The following CR1L variants were observed in gnomAD, a reference collection of about 807,000 sequenced individuals.
CR1L encodes the protein complement component receptor 1-like protein.
A neutral mutation model predicts 62.3 loss-of-function variants in CR1L; 59 were observed. The ratio of observed to expected loss-of-function variants is 0.95; its 90% CI spans 0.77 to 1.18. CR1L has a LOEUF of 1.18. Ranked by LOEUF, CR1L falls within the 50% of genes most tolerant of loss-of-function variation. CR1L has a pLI of 0.00. For missense variants in CR1L, 700 were observed against 702.8 expected (o/e 1.00, Z 0.04); for synonymous variants, 279 against 248.7 (o/e 1.12, Z -1.15).
At chr1:207,719,608 C>T (rs966376112) in intron 11 of CR1L, among the ~76,000 whole-genome samples, 1 of 152,004 alleles carries the variant, frequency 6.6e-6, no homozygotes, top group African/African-American at 2.4e-5. Flanking sequence ...GTAGTCACAG[C>T]TTCTTGAGAG....
chr1:207,645,553 G>A (rs1663107972), intron 1 of CR1L, among the ~76,000 whole-genome samples: 2 of 152,190 alleles, frequency 1.3e-5, no homozygotes, highest in Admixed American at 1.3e-4. Flanking sequence ...GTGCGCGGCC[G>A]ACATTTACGC....
At chr1:207,658,722 C>T (rs568252054) in intron 1 of CR1L, 2 of 152,328 alleles carry the variant, frequency 1.3e-5, no homozygotes, top group Non-Finnish European at 2.9e-5. Context: ...GCCCGCCACA[C>T]AGGAGCCAGA....
chr1:207,670,415 T>G (rs1663591589), intron 1 of CR1L, among the ~76,000 whole-genome samples: 3 of 151,074 alleles, frequency 2.0e-5, no homozygotes, highest in Non-Finnish European at 4.4e-5. Flanking sequence ...ACTATGGAAA[T>G]TTTGAGGCCA....
rs544337251 is a variant in CR1L, at chr1:207,675,613, G to A, written c.98-1776G>A. ...AGGGCATCTTTGTACAAAGCCAAAA[G>A]TTGGTTCTTTTAAGTCTAATAAAAT... is the stretch of plus-strand genomic sequence containing the variant. On this transcript the variant is annotated intron_variant, in intron 1 of 11. Coordinates refer to ENST00000508064, the MANE Select transcript of CR1L (RefSeq NM_175710.2). Among the ~76,000 whole-genome samples, 3 of 152,310 alleles carry A rather than the reference G, an allele frequency of 2.0e-5. 1 individual carries two copies. The highest frequency in any genetic ancestry group is 7.2e-5 in the African/African-American group (3 of 41,566).
At chr1:207,688,197 G>T (rs1663940362) in intron 4 of CR1L, among the ~76,000 whole-genome samples, 1 of 152,168 alleles carries the variant, frequency 6.6e-6, no homozygotes, top group South Asian at 2.1e-4. Flanking sequence ...GATCCCTTGA[G>T]CACAGGGGTT....
rs34807467 is a variant in CR1L, at chr1:207,678,996, C to CT, written c.377+717dup. ...TCTGTGCATGTCTGTGTCCAAAGTT[C>CT]TTTTTTTTTTTTTTTTTTGAGATGG... On this transcript the variant is annotated intron_variant, in intron 3 of 11. Coordinates refer to ENST00000508064, the MANE Select transcript of CR1L (RefSeq NM_175710.2). Among the ~76,000 whole-genome samples, 335 of 131,166 alleles carry CT rather than the reference C, an allele frequency of 2.6e-3. 3 individuals are homozygous for CT. The highest frequency in any genetic ancestry group is 0.022 in the East Asian group (94 of 4,344). The allele number at this position is 131,166 out of a possible 152,430, so 86.0% of individuals were successfully genotyped here.
intron 11 of CR1L, among the ~76,000 whole-genome samples, chr1:207,719,738 G>A (rs893327847): frequency 4.6e-4 from 70 of 150,930 alleles, no homozygotes; most frequent in African/African-American, 1.5e-3. Context: ...ACACACACAC[G>A]CACACACACA....
At chr1:207,648,499 A>G (rs996336181) in intron 1 of CR1L, among the ~76,000 whole-genome samples, 2 of 152,192 alleles carry the variant, frequency 1.3e-5, no homozygotes, top group African/African-American at 4.8e-5. Flanking sequence ...TCTCACAAAG[A>G]TAAGGTTTTG....
chr1:207,723,514 G>T, intron 11 of CR1L, 104 bp from the exon 12 acceptor site: 1 of 939,850 alleles, frequency 1.1e-6, no homozygotes, highest in Non-Finnish European at 1.6e-6. Context: ...ATATTAGTCT[G>T]AGTCCTGAAT....
chr1:207,664,146 G>A (rs565497459), intron 1 of CR1L, among the ~76,000 whole-genome samples: 45 of 152,260 alleles, frequency 3.0e-4, no homozygotes, highest in African/African-American at 9.9e-4. Flanking sequence ...TTGATATGAT[G>A]GAAGGGATTA....
intron 1 of CR1L, among the ~76,000 whole-genome samples, chr1:207,666,028 A>G (rs138028442): frequency 1.3e-5 from 2 of 152,348 alleles, no homozygotes; most frequent in African/African-American, 2.4e-5. Flanking sequence ...TCTTTACTCC[A>G]TGATGAATCA....
chr1:207,654,225 T>C (rs948699240), intron 1 of CR1L, among the ~76,000 whole-genome samples: 26 of 151,994 alleles, frequency 1.7e-4, no homozygotes, highest in African/African-American at 6.3e-4. Context: ...CACTATAATA[T>C]ATAAACAAAG....
chr1:207,654,425 A>G (rs1444684342), intron 1 of CR1L, among the ~76,000 whole-genome samples: 1 of 152,226 alleles, frequency 6.6e-6, no homozygotes, highest in African/African-American at 2.4e-5. Context: ...TTGAGAAACA[A>G]TATATACTGA....
intron 10 of CR1L, chr1:207,710,362 C>T (rs2102478952): frequency 7.4e-7 from 1 of 1,357,714 alleles, no homozygotes; most frequent in East Asian, 2.3e-5. Context: ...TTTTGGTGAA[C>T]TTGCGGTCTC....
Position 207,701,413 on chromosome 1 carries a change from C to A in CR1L, c.1229-106C>A, listed in dbSNP as rs375071886. 2.5e-4 allele frequency: 348 copies of A among 1,419,994 alleles called. 1 individual carries two copies. Among genetic ancestry groups the A allele is most frequent in the South Asian group, 2.2e-3 (186 of 83,932 alleles). The allele number at this position is 1,419,994 out of a possible 1,614,324, so 88.0% of individuals were successfully genotyped here. The stretch of plus-strand genomic sequence containing the variant: ...AAGGTGCCAAAATCTGTGGAACTAT[C>A]AGAACTGCGTGTTTTCTTCAGGAAG... On this transcript the variant is annotated intron_variant, in intron 8 of 11. Coordinates refer to ENST00000508064, the MANE Select transcript of CR1L (RefSeq NM_175710.2).
rs527929755 is a variant in CR1L at position 207,714,814 on chromosome 1, A to G, written c.1415-2650A>G. Among the ~76,000 whole-genome samples the G allele has an allele frequency of 4.6e-5, 7 of 152,256 alleles. No individual in the cohort carries two copies. The East Asian group carries it at 5.8e-4, about 13-fold the overall frequency. On this transcript the variant is annotated intron_variant, in intron 10 of 11. Transcript: ENST00000508064. ...TTTTTCTTAGAACACATGGTTCAGC[A>G]TGCTTCTGTGAGCCTCTTTCTGGCC...
chr1:207,697,392 C>CTACCTT, intron 5 of CR1L, 111 bp from the exon 6 acceptor site: 2 of 1,595,478 alleles, frequency 1.3e-6, no homozygotes, highest in Non-Finnish European at 1.7e-6. Context: ...GGCTGTTATT[C>CTACCTT]TACCTTTTTT....
chr1:207,713,031 TAAG>T (rs990585754), intron 10 of CR1L, among the ~76,000 whole-genome samples: 2 of 152,142 alleles, frequency 1.3e-5, no homozygotes, highest in African/African-American at 4.8e-5. Context: ...ACCTAGTAGA[TAAG>T]AAGTACCCAG....
intron 4 of CR1L, among the ~76,000 whole-genome samples, chr1:207,688,747 C>A (rs1200583789): frequency 6.6e-6 from 1 of 151,904 alleles, no homozygotes; most frequent in African/African-American, 2.4e-5. Flanking sequence ...TCTTTAATTT[C>A]TTTTAAAAAT....
Sources: allele counts gnomAD v4.1 joint callset (sites outside exome capture counted in the v4.1 genomes callset), GRCh38; gene constraint gnomAD v4.1.1; transcripts MANE v1.5; gene names NCBI Gene and HGNC (gene_info 2026-07-23, HGNC 2026-07-21).